CACNB4: variants seen among roughly 807,000 people sequenced by gnomAD.
CACNB4 encodes the protein voltage-dependent L-type calcium channel subunit beta-4.
Under a neutral mutation model 71.2 loss-of-function variants are expected in CACNB4, and 32 were observed. The observed-to-expected ratio is 0.45, with a 90% CI of 0.34 to 0.60. The LOEUF is 0.60. CACNB4 is among the 20% of genes least tolerant of loss of function. The probability of loss-of-function intolerance (pLI) is 0.01; values close to 1 mark genes in which losing one functional copy is unlikely to be tolerated. For synonymous variants in CACNB4, 231 were observed against 236.9 expected, an observed-to-expected ratio of 0.97 and a Z score of 0.23; for missense variants, 464 against 647.9, an observed-to-expected ratio of 0.72 and a Z score of 3.08.
chr2:151,879,339 T>C (rs1452420037), intron 4 of CACNB4, among the ~76,000 whole-genome samples: 4 of 152,326 alleles, frequency 2.6e-5, no homozygotes, highest in African/African-American at 9.6e-5. Context: ...GAGGAATGAA[T>C]TTTTTGAGTT....
intron 2 of CACNB4, among the ~76,000 whole-genome samples, chr2:152,045,702 C>T (rs560358584): frequency 2.0e-4 from 31 of 152,108 alleles, no homozygotes; most frequent in African/African-American, 7.2e-4. Flanking sequence ...CTCTCCCTCA[C>T]GCAACCTCCA....
chr2:151,845,867 A>G (rs575021144), intron 12 of CACNB4, among the ~76,000 whole-genome samples: 2 of 152,356 alleles, frequency 1.3e-5, no homozygotes, highest in East Asian at 3.8e-4. Flanking sequence ...CAAACCATCA[A>G]AAAAATCAGG....
intron 2 of CACNB4, among the ~76,000 whole-genome samples, chr2:152,033,604 T>C (rs958172522): frequency 1.3e-5 from 2 of 152,126 alleles, no homozygotes; most frequent in African/African-American, 4.8e-5. Flanking sequence ...AAACCTCCCA[T>C]CTTTTTATAA....
chr2:151,912,566 T>C (rs1475344052), intron 2 of CACNB4, among the ~76,000 whole-genome samples: 2 of 152,228 alleles, frequency 1.3e-5, no homozygotes, highest in African/African-American at 4.8e-5. Flanking sequence ...TTGCATTTGC[T>C]GAAGTGTTTT....
chr2:151,988,780 C>T (rs1681522285), intron 2 of CACNB4, among the ~76,000 whole-genome samples: 1 of 152,130 alleles, frequency 6.6e-6, no homozygotes, highest in Non-Finnish European at 1.5e-5. Flanking sequence ...GGCCCAATCA[C>T]CTCCCAAAGG....
At chr2:151,964,236 A>C (rs940716812) in intron 2 of CACNB4, among the ~76,000 whole-genome samples, 2 of 152,236 alleles carry the variant, frequency 1.3e-5, no homozygotes, top group East Asian at 3.8e-4. Flanking sequence ...GATATGAAAA[A>C]AAATCCACAG....
rs1467924046 is a variant in CACNB4, at chr2:152,093,104, T to C, written c.147+5226A>G. Among the ~76,000 whole-genome samples, 5 of 152,278 alleles carry C rather than the reference T, an allele frequency of 3.3e-5. No homozygotes were observed. The East Asian group carries it at 9.7e-4, about 29-fold the overall frequency. On this transcript the variant is annotated intron_variant, in intron 2 of 13. Transcript: ENST00000539935. ...TGGATGAGGGCCCCAATGTACATTA[T>C]TTGCTCATTTACTGACTGCTGCATA... is the stretch of plus-strand genomic sequence containing the variant.
intron 10 of CACNB4, chr2:151,857,892 C>T (rs564140576): frequency 1.4e-4 from 21 of 152,360 alleles, no homozygotes; most frequent in African/African-American, 4.1e-4. Context: ...CAACACAAAA[C>T]TCTTAGGCAA....
chr2:152,061,843 C>T (rs767610753), intron 2 of CACNB4, among the ~76,000 whole-genome samples: 9 of 151,556 alleles, frequency 5.9e-5, no homozygotes, highest in East Asian at 1.9e-4. Context: ...GAAACCCTGT[C>T]GCTACTAAAA....
chr2:151,978,758 G>A (rs1275587527), intron 2 of CACNB4, among the ~76,000 whole-genome samples: 1 of 152,058 alleles, frequency 6.6e-6, no homozygotes, highest in African/African-American at 2.4e-5. Context: ...GCTAAACCTT[G>A]CCCCTGATGC....
intron 2 of CACNB4, among the ~76,000 whole-genome samples, chr2:152,056,171 G>A (rs1048944149): frequency 3.9e-5 from 6 of 152,024 alleles, no homozygotes; most frequent in Non-Finnish European, 8.8e-5. Flanking sequence ...GACCATCCTG[G>A]CTAACACGGT....
intron 2 of CACNB4, among the ~76,000 whole-genome samples, chr2:151,983,675 T>TCTCACACACACA (rs35313966): frequency 0.031 from 4,323 of 141,412 alleles, 99 homozygotes; most frequent in South Asian, 0.051. Flanking sequence ...TAAACTTTGG[T>TCTCACACACACA]CACACACACA....
At chr2:152,035,115 A>G (rs770029303) in intron 2 of CACNB4, among the ~76,000 whole-genome samples, 2 of 152,244 alleles carry the variant, frequency 1.3e-5, no homozygotes, top group South Asian at 2.1e-4. Flanking sequence ...AGTGACGTTC[A>G]GTGAGAGACA....
chr2:151,920,318 CTTTT>C lies in CACNB4; in HGVS notation c.148-36952_148-36949del, dbSNP rs10574154. Among the ~76,000 whole-genome samples, 7 of 66,090 alleles carry C rather than the reference CTTTT, an allele frequency of 1.1e-4. No individual in the cohort carries two copies. In the South Asian group the frequency reaches 2.7e-3, roughly 25 times the overall value. The allele number at this position is 66,090 out of a possible 152,430, so 43.4% of individuals were successfully genotyped here. ...AGAGTCTTTTCTTCTTCTTCTTCTTCTTTTTTTTTTTTTTTTTTTTTGAGACAGG... is the reference window on the plus strand; with the variant it reads ...AGAGTCTTTTCTTCTTCTTCTTCTTCTTTTTTTTTTTTTTTTTGAGACAGG... On this transcript the variant is annotated intron_variant, in intron 2 of 13. Transcript: ENST00000539935.
chr2:152,056,398 A>AATGCTTTGTCCCCAAAT (rs1685732769), intron 2 of CACNB4, among the ~76,000 whole-genome samples: 1 of 151,972 alleles, frequency 6.6e-6, no homozygotes, highest in Non-Finnish European at 1.5e-5. Context: ...TTTCAGAAAT[A>AATGCTTTGTCCCCAAAT]TCGTGTCCCC....
chr2:152,004,568 CAT>C (rs1262489033), intron 2 of CACNB4, among the ~76,000 whole-genome samples: 4 of 142,220 alleles, frequency 2.8e-5, no homozygotes, highest in Non-Finnish European at 6.1e-5. Context: ...CACACACACA[CAT>C]GCTAACAACC....
In CACNB4 at chr2:152,098,446, C is replaced by G. The variant is rs1305362894; in HGVS notation, c.64-33G>C. On this transcript the variant is annotated intron_variant, in intron 1 of 13. Coordinates refer to ENST00000539935, the MANE Select transcript of CACNB4 (RefSeq NM_000726.5). The surrounding 1 kb of genome is among the most constrained non-coding windows in gnomAD (Gnocchi z 5.3). ...CGACACACGGGGGCCAGAGAGAAGC[C>G]GGTGAGGACCGCAGCGCAGAGCGGG... The G allele has an allele frequency of 1.3e-6, 2 of 1,570,730 alleles. No homozygotes were observed. Among genetic ancestry groups the G allele is most frequent in the Non-Finnish European group, 1.8e-6 (2 of 1,140,828 alleles).
intron 2 of CACNB4, among the ~76,000 whole-genome samples, chr2:151,908,741 C>T (rs2099855413): frequency 6.6e-6 from 1 of 152,136 alleles, no homozygotes. Context: ...ACATGCCTTG[C>T]TGCAGCTTGA....
intron 2 of CACNB4, among the ~76,000 whole-genome samples, chr2:151,938,282 G>A (rs2099863427): frequency 6.6e-6 from 1 of 152,216 alleles, no homozygotes; most frequent in Non-Finnish European, 1.5e-5. Context: ...GGCCAACTAT[G>A]TCAACTCTGT....
Sources: gnomAD v4.1 joint callset for allele counts (sites outside exome capture counted in the v4.1 genomes callset) on GRCh38, gnomAD v4.1.1 for gene constraint, Gnocchi (gnomAD v3.1) non-coding constraint, MANE v1.5 for transcripts, NCBI Gene and HGNC (gene_info 2026-07-23, HGNC 2026-07-21) for gene names.